Variants in ADGRV1 observed in about 807,000 individuals in gnomAD.
ADGRV1 encodes the protein adhesion G protein-coupled receptor V1.
In ADGRV1, 359 loss-of-function variants were observed where a neutral mutation model predicts 596.2. The ratio of observed to expected loss-of-function variants is 0.60; its 90% CI spans 0.55 to 0.66. The LOEUF (loss-of-function observed/expected upper bound fraction) is 0.66. Ranked by LOEUF, ADGRV1 falls within the 30% of genes least tolerant of loss-of-function variation. The pLI is 0.00. For synonymous variants in ADGRV1, 2,681 were observed against 2,679.2 expected, an observed-to-expected ratio of 1.00 and a Z score of -0.02; for missense variants, 7,274 against 7,575.6, an observed-to-expected ratio of 0.96 and a Z score of 1.48.
In ADGRV1 at chr5:90,763,364, T is replaced by G; in HGVS notation, c.12180T>G (p.Val4060=). The change falls in exon 59 of 90, where the codon GTT becomes GTG. Residue 4060 remains valine, a synonymous_variant. Transcript: ENST00000405460. ...CTGATTCATATGTGACATTGACGGT[T>G]GTCCGGTCCCCAGGAGGAAAAGGAA... ...DDPDSYVTLT[V]VRSPGGKGTV... 1 of 1,612,976 alleles carries G rather than the reference T, an allele frequency of 6.2e-7. No homozygotes were observed. The highest frequency in any genetic ancestry group is 1.1e-5 in the South Asian group (1 of 90,946).
At chr5:90,848,087 G>C (rs1766100543) in intron 78 of ADGRV1, among the ~76,000 whole-genome samples, 1 of 151,430 alleles carries the variant, frequency 6.6e-6, no homozygotes, top group Admixed American at 6.6e-5. Flanking sequence ...AAATAACCCA[G>C]TTTTTTTTTA....
At chr5:90,915,056 CTGTTA>C (rs1773225362) in intron 83 of ADGRV1, among the ~76,000 whole-genome samples, 1 of 152,108 alleles carries the variant, frequency 6.6e-6, no homozygotes, top group Admixed American at 6.5e-5. Context: ...AATATTACTA[CTGTTA>C]TATTTTCCTT....
chr5:90,628,800 C>G lies in ADGRV1; in HGVS notation c.1477C>G (p.Arg493Gly), dbSNP rs779948710. Residue 493 changes from arginine (R) to glycine (G), a missense_variant, in exon 8 of 90, where the codon CGA becomes GGA. This residue lies in a region of ADGRV1 where 1,715 missense variants were observed against 1,708.8 expected (regional missense o/e 1.00). Transcript: ENST00000405460. ...YLLQILPHTI[R>G]GGAEVSEPAE... The stretch of plus-strand genomic sequence containing the variant: ...ACTTCAAATTCTGCCTCATACAATA[C>G]GAGGAGGTGCAGAAGTGAGCGAGCC... The G allele has an allele frequency of 4.3e-6, 7 of 1,613,926 alleles. No individual in the cohort carries two copies. Among genetic ancestry groups the G allele is most frequent in the Non-Finnish European group, 5.1e-6 (6 of 1,179,838 alleles).
chr5:91,079,614 G>A (rs1325780675), intron 86 of ADGRV1, among the ~76,000 whole-genome samples: 2 of 152,162 alleles, frequency 1.3e-5, no homozygotes, highest in African/African-American at 4.8e-5. Flanking sequence ...TTGAGAGAAG[G>A]TTTAAATTTC....
Position 91,164,197 on chromosome 5 carries a change from C to T in ADGRV1, c.*297C>T. 2.5e-6 allele frequency: 1 copy of T among 401,600 alleles called. No homozygotes were observed. The highest frequency in any genetic ancestry group is 2.2e-5 in the South Asian group (1 of 45,138). The allele number at this position is 401,600 out of a possible 1,614,324, so 24.9% of individuals were successfully genotyped here. On this transcript the variant is annotated 3_prime_UTR_variant, in exon 90 of 90. Transcript: ENST00000405460. ...AACATTGTTTAATGAAAGTAATAAT[C>T]AATAAAGCAATAGAATCTATTTGGT... is the stretch of plus-strand genomic sequence containing the variant.
At chr5:90,610,618 TC>T (rs1230153844) in intron 1 of ADGRV1, among the ~76,000 whole-genome samples, 1 of 151,974 alleles carries the variant, frequency 6.6e-6, no homozygotes, top group Non-Finnish European at 1.5e-5. Context: ...CTTTCATGAA[TC>T]CTTAGAGAAG....
At chr5:90,805,783 C>T (rs1295855465) in intron 72 of ADGRV1, among the ~76,000 whole-genome samples, 1 of 152,158 alleles carries the variant, frequency 6.6e-6, no homozygotes, top group Admixed American at 6.5e-5. Context: ...AAAATACATA[C>T]AGCTCTTGTA....
chr5:90,567,980 C>T (rs1755869041), intron 1 of ADGRV1, among the ~76,000 whole-genome samples: 1 of 152,134 alleles, frequency 6.6e-6, no homozygotes, highest in African/African-American at 2.4e-5. Flanking sequence ...TCAAGTGATC[C>T]ACCCGCCTCG....
At chr5:90,668,200 T>A (rs1386366322) in intron 21 of ADGRV1, among the ~76,000 whole-genome samples, 2 of 151,560 alleles carry the variant, frequency 1.3e-5, no homozygotes, top group Non-Finnish European at 3.0e-5. Context: ...CGGGCGCCCC[T>A]CCCCCAGCCT....
At chr5:91,044,643 C>T (rs539768859) in intron 85 of ADGRV1, among the ~76,000 whole-genome samples, 1 of 152,212 alleles carries the variant, frequency 6.6e-6, no homozygotes, top group South Asian at 2.1e-4. Flanking sequence ...TAACCCACAG[C>T]AGAATTGCAC....
intron 87 of ADGRV1, among the ~76,000 whole-genome samples, chr5:91,138,090 A>G (rs567436387): frequency 6.6e-6 from 1 of 152,322 alleles, no homozygotes; most frequent in Admixed American, 6.5e-5. Context: ...GGCTAACCCA[A>G]GAATCCCACT....
In ADGRV1 at chr5:90,706,272, A is replaced by T. The variant is rs1253111598; in HGVS notation, c.8608A>T (p.Ser2870Cys). Residue 2870 changes from serine to cysteine, a missense_variant, in exon 38 of 90, where the codon AGT becomes TGT. Transcript: ENST00000405460. ...VTYTTVPGML[S>C]LKNQTVGNLA... ...ATATACCACGGTTCCTGGAATGCTG[A>T]GTCTGAAGAACCAAACAGTAGGAAA... 1 of 1,613,416 alleles carries T rather than the reference A, an allele frequency of 6.2e-7. No individual in the cohort carries two copies. The highest frequency in any genetic ancestry group is 2.2e-5 in the East Asian group (1 of 44,852).
At chr5:91,001,311 G>A (rs1180651977) in intron 85 of ADGRV1, among the ~76,000 whole-genome samples, 1 of 152,000 alleles carries the variant, frequency 6.6e-6, no homozygotes, top group Non-Finnish European at 1.5e-5. Context: ...CTGCTGACCT[G>A]GAGGAATCCT....
intron 83 of ADGRV1, among the ~76,000 whole-genome samples, chr5:90,954,249 C>A (rs930374933): frequency 6.6e-6 from 1 of 150,780 alleles, no homozygotes; most frequent in Admixed American, 6.6e-5. Flanking sequence ...ATTTAGTATC[C>A]CTTAAAGCAC....
chr5:90,645,938 C>T (rs746493509), intron 15 of ADGRV1, 30 bp from the exon 16 acceptor site: 1 of 1,537,086 alleles, frequency 6.5e-7, no homozygotes, highest in Non-Finnish European at 8.8e-7. Flanking sequence ...TATAAGTCAC[C>T]TGACTTAAAA....
intron 10 of ADGRV1, among the ~76,000 whole-genome samples, chr5:90,637,412 G>A (rs1207023076): frequency 1.3e-5 from 2 of 152,120 alleles, no homozygotes; most frequent in Admixed American, 6.5e-5. Context: ...ATTGCTGTAT[G>A]TTTTTCACAA....
chr5:90,934,252 A>G (rs1207345615), intron 83 of ADGRV1, among the ~76,000 whole-genome samples: 1 of 151,924 alleles, frequency 6.6e-6, no homozygotes, highest in East Asian at 1.9e-4. Context: ...CAGGCCTTTG[A>G]TCTCTTCCTT....
intron 83 of ADGRV1, among the ~76,000 whole-genome samples, chr5:90,897,690 A>G (rs1273790813): frequency 6.6e-6 from 1 of 152,162 alleles, no homozygotes; most frequent in African/African-American, 2.4e-5. Context: ...CTATTTGGAA[A>G]CCTAGATCTT....
chr5:91,149,196 T>C (rs150864039), intron 87 of ADGRV1, among the ~76,000 whole-genome samples: 4 of 152,338 alleles, frequency 2.6e-5, no homozygotes, highest in African/African-American at 7.2e-5. Flanking sequence ...TGTTTTGAAA[T>C]GTGAGGACAT....
Sources: allele counts gnomAD v4.1 joint callset (sites outside exome capture counted in the v4.1 genomes callset), GRCh38; gene constraint gnomAD v4.1.1; regional missense constraint gnomAD v4.1.1; transcripts MANE v1.5; gene names NCBI Gene and HGNC (gene_info 2026-07-23, HGNC 2026-07-21).